Variants in SGCZ observed in about 807,000 individuals in gnomAD.
SGCZ encodes sarcoglycan zeta.
In SGCZ, 40 loss-of-function variants were observed where a neutral mutation model predicts 41.3. That is an observed-to-expected ratio of 0.97 (90% CI 0.75 to 1.26). The LOEUF is 1.26. SGCZ is among the 50% of genes most tolerant of loss of function. SGCZ has a pLI of 0.00. For synonymous variants in SGCZ, 206 were observed against 137.5 expected (o/e 1.50, Z -3.49); for missense variants, 552 against 369.8 (o/e 1.49, Z -4.04).
chr8:14,882,510 C>G (rs1804630880), intron 1 of SGCZ, among the ~76,000 whole-genome samples: 1 of 152,088 alleles, frequency 6.6e-6, no homozygotes, highest in Non-Finnish European at 1.5e-5. Context: ...ACAATCTCAA[C>G]ACACTTATTA....
intron 1 of SGCZ, among the ~76,000 whole-genome samples, chr8:14,695,211 A>T (rs1425084915): frequency 3.3e-5 from 5 of 152,202 alleles, no homozygotes; most frequent in Non-Finnish European, 7.4e-5. Context: ...TAATGATGAC[A>T]TAATGATGTA....
At chr8:14,648,647 G>A (rs1460695542) in intron 1 of SGCZ, among the ~76,000 whole-genome samples, 1 of 151,894 alleles carries the variant, frequency 6.6e-6, no homozygotes, top group Non-Finnish European at 1.5e-5. Context: ...AAATTTCTCT[G>A]ATAATTTATT....
rs557644862 is a variant in SGCZ, at chr8:14,394,461, T to TTC, written c.235-70259_235-70258dup. On this transcript the variant is annotated intron_variant, in intron 2 of 7. Transcript: ENST00000382080. ...ACCGTGCCCAGCCCACTTCCCTACC[T>TTC]TCTACAGCCTCAAAATGCATACTGA... is the stretch of plus-strand genomic sequence containing the variant. Among the ~76,000 whole-genome samples, 27 of 152,276 alleles carry TTC rather than the reference T, an allele frequency of 1.8e-4. 1 individual carries two copies. The East Asian group carries it at 4.2e-3, about 24-fold the overall frequency.
intron 5 of SGCZ, among the ~76,000 whole-genome samples, chr8:14,109,207 C>T (rs188288571): frequency 7.9e-5 from 12 of 152,168 alleles, no homozygotes; most frequent in Admixed American, 5.2e-4. Context: ...TGTAGCTTTC[C>T]GAAGAGGTCA....
intron 1 of SGCZ, among the ~76,000 whole-genome samples, chr8:14,687,198 TTTA>T (rs965196024): frequency 6.7e-6 from 1 of 148,162 alleles, no homozygotes; most frequent in African/African-American, 2.4e-5. Context: ...ATATTTTAAT[TTTA>T]TTATTATTAT....
intron 5 of SGCZ, among the ~76,000 whole-genome samples, chr8:14,116,626 CT>C (rs533604705): frequency 1.4e-4 from 21 of 152,022 alleles, no homozygotes; most frequent in Non-Finnish European, 2.1e-4. Context: ...TTCTCTTCAT[CT>C]TTTTTGTTTC....
Position 14,452,702 on chromosome 8 carries a change from T to C in SGCZ, c.234+102030A>G, listed in dbSNP as rs184783358. Among the ~76,000 whole-genome samples the C allele has an allele frequency of 1.0e-3, 154 of 152,124 alleles. 2 individuals are homozygous for C. The highest frequency in any genetic ancestry group is 0.01 in the Admixed American group (154 of 15,268). ...TTTATGTGGAGGCCGGGAGATAGGG[T>C]GTATATTGGAACTCTTTTTGTGTTC... is the stretch of plus-strand genomic sequence containing the variant. On this transcript the variant is annotated intron_variant, in intron 2 of 7. Coordinates refer to ENST00000382080, the MANE Select transcript of SGCZ (RefSeq NM_139167.4).
At chr8:14,977,362 C>G (rs1801511320) in intron 1 of SGCZ, among the ~76,000 whole-genome samples, 1 of 152,142 alleles carries the variant, frequency 6.6e-6, no homozygotes, top group African/African-American at 2.4e-5. Context: ...ATGAGACAAT[C>G]CATGTACCCA....
chr8:14,568,565 A>G (rs773779371), intron 1 of SGCZ, among the ~76,000 whole-genome samples: 24 of 151,542 alleles, frequency 1.6e-4, no homozygotes, highest in Non-Finnish European at 2.9e-4. Context: ...TCACCATAGG[A>G]TTATAAACTC....
At chr8:14,977,062 G>A (rs1397931392) in intron 1 of SGCZ, among the ~76,000 whole-genome samples, 1 of 152,222 alleles carries the variant, frequency 6.6e-6, no homozygotes, top group Admixed American at 6.5e-5. Context: ...CCACAAAGAA[G>A]TTTACTTCTC....
chr8:15,171,385 A>G (rs1003216209), intron 1 of SGCZ, among the ~76,000 whole-genome samples: 3 of 152,196 alleles, frequency 2.0e-5, no homozygotes, highest in African/African-American at 4.8e-5. Flanking sequence ...ACCCTTTTCC[A>G]TATAAAGTGT....
At chr8:14,679,712 G>A (rs917639348) in intron 1 of SGCZ, among the ~76,000 whole-genome samples, 2 of 151,694 alleles carry the variant, frequency 1.3e-5, no homozygotes, top group African/African-American at 4.8e-5. Flanking sequence ...TGTAGCCTAA[G>A]GTACAGTGTT....
chr8:15,173,021 T>C (rs1799890942), intron 1 of SGCZ, among the ~76,000 whole-genome samples: 1 of 152,242 alleles, frequency 6.6e-6, no homozygotes, highest in Non-Finnish European at 1.5e-5. Context: ...GATAATTCAC[T>C]AATTATAACA....
chr8:14,784,913 A>AAT (rs1554499020), intron 1 of SGCZ, among the ~76,000 whole-genome samples: 6,050 of 87,846 alleles, frequency 0.069, 438 homozygotes, highest in East Asian at 0.2. Flanking sequence ...AAAAAAAAAA[A>AAT]ATATATATAT....
intron 3 of SGCZ, among the ~76,000 whole-genome samples, chr8:14,278,188 C>T (rs905109660): frequency 6.6e-6 from 1 of 152,086 alleles, no homozygotes. Context: ...CATAAAATTG[C>T]CTACAGTCCC....
In SGCZ at chr8:14,102,445, C is replaced by A. The variant is rs772554821; in HGVS notation, c.675G>T (p.Val225=). 6.6e-7 allele frequency: 1 copy of A among 1,524,604 alleles called. No homozygotes were observed. Among genetic ancestry groups the A allele is most frequent in the South Asian group, 1.3e-5 (1 of 78,372 alleles). 94.4% of individuals were successfully genotyped at this position (1,524,604 alleles called of 1,614,324 possible). The change falls in exon 7 of 8, where the codon GTG becomes GTT. Residue 225 remains valine, a synonymous_variant. Transcript: ENST00000382080. ...CCTTGAAGTCTCCTGCAGCAGCACTCACCTGGACCCCACGGGGAGCTTCCA... is the reference window on the plus strand; with the variant it reads ...CCTTGAAGTCTCCTGCAGCAGCACTAACCTGGACCCCACGGGGAGCTTCCA... ...LIMEAPRGVQ[V]SAAAGDFKAT... is the part of the protein sequence containing the mutation.
At chr8:14,909,176 T>C (rs891382539) in intron 1 of SGCZ, among the ~76,000 whole-genome samples, 5 of 152,154 alleles carry the variant, frequency 3.3e-5, no homozygotes, top group African/African-American at 1.2e-4. Context: ...TTATATCAAT[T>C]ACTATAATTT....
chr8:15,236,966 C>T (rs555518744), intron 1 of SGCZ, among the ~76,000 whole-genome samples: 5 of 152,334 alleles, frequency 3.3e-5, no homozygotes, highest in Admixed American at 6.5e-5. Context: ...GCAGGCTAGC[C>T]GTCCCCGGCA....
At chr8:14,870,074 A>G (rs555705771) in intron 1 of SGCZ, among the ~76,000 whole-genome samples, 200 of 152,322 alleles carry the variant, frequency 1.3e-3, no homozygotes, top group African/African-American at 4.6e-3. Context: ...ACTAGAAAAA[A>G]ATACTTTAAA....
Sources: gnomAD v4.1 joint callset for allele counts (sites outside exome capture counted in the v4.1 genomes callset) on GRCh38, gnomAD v4.1.1 for gene constraint, MANE v1.5 for transcripts, NCBI Gene and HGNC (gene_info 2026-07-23, HGNC 2026-07-21) for gene names.